Variants in CFAP54 observed in about 807,000 individuals in gnomAD.
CFAP54 encodes cilia- and flagella-associated protein 54.
A neutral mutation model predicts 370.4 loss-of-function variants in CFAP54; 290 were observed. That is an observed-to-expected ratio of 0.78 (90% CI 0.71 to 0.86). The LOEUF (loss-of-function observed/expected upper bound fraction) is 0.86, where lower values mean the gene tolerates loss of function less well. Ranked by LOEUF, CFAP54 falls within the 40% of genes least tolerant of loss-of-function variation. CFAP54 has a pLI of 0.00. For missense variants in CFAP54, 3,399 were observed against 3,528.7 expected, an observed-to-expected ratio of 0.96 and a Z score of 0.93; for synonymous variants, 1,206 against 1,236.5, an observed-to-expected ratio of 0.98 and a Z score of 0.52.
In CFAP54 at chr12:96,658,278, C is replaced by G; in HGVS notation, c.5392C>G (p.Gln1798Glu). 6.2e-7 allele frequency: 1 copy of G among 1,614,088 alleles called. No individual in the cohort carries two copies. The highest frequency in any genetic ancestry group is 8.5e-7 in the Non-Finnish European group (1 of 1,179,980). ...ACAGCGCCAGCTTCTGCTGAGAATA[C>G]AGAAGTTCAAGGGCCCAGATATTAC... The part of the protein sequence containing the change: ...YAQRQLLLRI[Q>E]KFKGPDITQQ... The change falls in exon 38 of 68, where the codon CAG (glutamine) becomes GAG (glutamate). Residue 1798 changes from glutamine (Q) to glutamate (E), a missense_variant. This residue lies in a region of CFAP54 where 2,796 missense variants were observed against 2,869.7 expected (regional missense o/e 0.97). Coordinates refer to ENST00000524981, the MANE Select transcript of CFAP54 (RefSeq NM_001306084.2).
At chr12:96,684,922 C>T (rs560767930) in intron 41 of CFAP54, 107 bp from the exon 42 acceptor site, 31 of 1,048,416 alleles carry the variant, frequency 3.0e-5, no homozygotes, top group South Asian at 2.9e-4. Context: ...TATAGTTATA[C>T]GTATGTTAAT....
chr12:96,836,632 T>C (rs955322119), intron 66 of CFAP54, among the ~76,000 whole-genome samples: 17 of 152,180 alleles, frequency 1.1e-4, no homozygotes, highest in Non-Finnish European at 2.2e-4. Flanking sequence ...AATATCTCCA[T>C]TTTTTCTCAA....
At chr12:96,739,594 A>G (rs1022714919) in intron 50 of CFAP54, among the ~76,000 whole-genome samples, 1 of 152,180 alleles carries the variant, frequency 6.6e-6, no homozygotes, top group Non-Finnish European at 1.5e-5. Flanking sequence ...TTAAAATGAG[A>G]TTGCCAATAC....
At chr12:96,553,089 A>G (rs546699414) in intron 15 of CFAP54, among the ~76,000 whole-genome samples, 1 of 152,322 alleles carries the variant, frequency 6.6e-6, no homozygotes, top group Non-Finnish European at 1.5e-5. Flanking sequence ...TGAGAATTGC[A>G]TGAAGCAAAA....
intron 1 of CFAP54, among the ~76,000 whole-genome samples, chr12:96,499,082 G>A (rs908289240): frequency 1.3e-5 from 2 of 152,056 alleles, no homozygotes; most frequent in Non-Finnish European, 2.9e-5. Context: ...GAGTTCAAAT[G>A]ATTCTCCTCC....
At chr12:96,521,379 G>A (rs558748627) in intron 6 of CFAP54, among the ~76,000 whole-genome samples, 1 of 152,218 alleles carries the variant, frequency 6.6e-6, no homozygotes, top group Non-Finnish European at 1.5e-5. Flanking sequence ...GCTGCGTATT[G>A]GAGACACAAA....
At chr12:96,499,663 G>T (rs976379430) in intron 1 of CFAP54, among the ~76,000 whole-genome samples, 2 of 152,010 alleles carry the variant, frequency 1.3e-5, no homozygotes, top group Admixed American at 6.6e-5. Context: ...CCTGCACATC[G>T]GGCTGGGAGC....
chr12:96,778,546 G>C (rs544544164), intron 60 of CFAP54, among the ~76,000 whole-genome samples: 1 of 152,250 alleles, frequency 6.6e-6, no homozygotes, highest in East Asian at 1.9e-4. Context: ...AGCATCACCT[G>C]TCTCCTTCTC....
intron 32 of CFAP54, among the ~76,000 whole-genome samples, chr12:96,640,506 T>TA (rs1447749516): frequency 6.6e-6 from 1 of 152,200 alleles, no homozygotes; most frequent in Non-Finnish European, 1.5e-5. Flanking sequence ...CTGCCCAAGG[T>TA]AATTTATAGA....
chr12:96,859,080 A>G (rs1477453182), intron 66 of CFAP54, among the ~76,000 whole-genome samples: 1 of 152,206 alleles, frequency 6.6e-6, no homozygotes, highest in Non-Finnish European at 1.5e-5. Context: ...GGAACAGAAT[A>G]GAGAACCCAG....
chr12:96,505,078 T>C (rs896811061), intron 3 of CFAP54, among the ~76,000 whole-genome samples: 2 of 150,304 alleles, frequency 1.3e-5, no homozygotes, highest in South Asian at 2.1e-4. Flanking sequence ...CTTTTCTTCT[T>C]TTTTTTTTGG....
intron 67 of CFAP54, among the ~76,000 whole-genome samples, chr12:96,864,850 C>G (rs994226794): frequency 6.6e-6 from 1 of 152,090 alleles, no homozygotes; most frequent in African/African-American, 2.4e-5. Flanking sequence ...CATTGTTTTT[C>G]CTAATGCATC....
intron 26 of CFAP54, among the ~76,000 whole-genome samples, chr12:96,613,797 G>C (rs549661755): frequency 2.6e-4 from 40 of 152,126 alleles, no homozygotes; most frequent in African/African-American, 7.5e-4. Flanking sequence ...TGGACACATA[G>C]ACCCTCCCAA....
In CFAP54 at chr12:96,704,750, A is replaced by G; in HGVS notation, c.6482A>G (p.Gln2161Arg). Reference sequence around the variant, plus strand: ...TATTTTGTATTTTGACAGATCTTTCAATCATTTGACTCAGGAAAACTTCTT... The same window carrying G: ...TATTTTGTATTTTGACAGATCTTTCGATCATTTGACTCAGGAAAACTTCTT... ...YKATGKMKIF[Q>R]SFDSGKLLTS... The change falls in exon 47 of 68, where the codon CAA becomes CGA. Residue 2161 changes from glutamine (Q) to arginine (R), a missense_variant. Gln to Arg is a conservative substitution (Grantham distance 43). This residue lies in a region of CFAP54 where 2,796 missense variants were observed against 2,869.7 expected (regional missense o/e 0.97). Transcript: ENST00000524981. 8.1e-7 allele frequency: 1 copy of G among 1,229,084 alleles called. No individual in the cohort carries two copies. The highest frequency in any genetic ancestry group is 1.5e-5 in the South Asian group (1 of 68,934). 76.1% of individuals were successfully genotyped at this position (1,229,084 alleles called of 1,614,324 possible).
rs898557842 is a variant in CFAP54 at position 96,708,527 on chromosome 12, T to C, written c.6529-81T>C. On this transcript the variant is annotated intron_variant, in intron 47 of 67. Coordinates refer to ENST00000524981, the MANE Select transcript of CFAP54 (RefSeq NM_001306084.2). ...ATATCCCTTCATCCAACACCAAATGTGAACTGCAAAAGAATGAATATAATA... is the reference window on the plus strand; with the variant it reads ...ATATCCCTTCATCCAACACCAAATGCGAACTGCAAAAGAATGAATATAATA... 3.2e-6 allele frequency: 4 copies of C among 1,264,588 alleles called. No homozygotes were observed. In the Admixed American group the frequency reaches 7.6e-5, roughly 24 times the overall value. 78.3% of individuals were successfully genotyped at this position (1,264,588 alleles called of 1,614,324 possible).
intron 20 of CFAP54, among the ~76,000 whole-genome samples, chr12:96,580,039 T>C (rs369523946): frequency 6.6e-6 from 1 of 151,754 alleles, no homozygotes; most frequent in South Asian, 2.1e-4. Flanking sequence ...TGTTTTCTTC[T>C]AGGCTTTTTC....
chr12:96,723,512 G>T (rs185518764), intron 50 of CFAP54, among the ~76,000 whole-genome samples: 1 of 152,102 alleles, frequency 6.6e-6, no homozygotes, highest in African/African-American at 2.4e-5. Flanking sequence ...AGTAAGGTAA[G>T]GATAGAGAGT....
At chr12:96,759,340 A>G (rs1166461535) in intron 58 of CFAP54, among the ~76,000 whole-genome samples, 2 of 152,090 alleles carry the variant, frequency 1.3e-5, no homozygotes, top group Admixed American at 1.3e-4. Context: ...ACAAATTAAT[A>G]GGATGCTAGG....
rs10638883 is a variant in CFAP54, at chr12:96,536,626, CTTTT to C, written c.1791+1041_1791+1044del. On this transcript the variant is annotated intron_variant, in intron 12 of 67. Coordinates refer to ENST00000524981, the MANE Select transcript of CFAP54 (RefSeq NM_001306084.2). The stretch of plus-strand genomic sequence containing the variant: ...TGTTTTTCTTTGTCTTTTTCTTTTT[CTTTT>C]TTTTTTTTTTTTTTGAGACAGAGTC... 2.9e-3 allele frequency among the ~76,000 whole-genome samples: 406 copies of C among 138,154 alleles called. 1 individual carries two copies. The highest frequency in any genetic ancestry group is 3.8e-3 in the African/African-American group (139 of 36,910). The allele number at this position is 138,154 out of a possible 152,430, so 90.6% of individuals were successfully genotyped here.
Sources: allele counts gnomAD v4.1 joint callset (sites outside exome capture counted in the v4.1 genomes callset), GRCh38; gene constraint gnomAD v4.1.1; regional missense constraint gnomAD v4.1.1; transcripts MANE v1.5; gene names NCBI Gene and HGNC (gene_info 2026-07-23, HGNC 2026-07-21).